ZNF347: variants seen among roughly 807,000 people sequenced by gnomAD.
ZNF347 encodes zinc finger protein 347, also known as CTD-2620I22.7.
A neutral mutation model predicts 12.9 loss-of-function variants in ZNF347; 19 were observed. The observed-to-expected ratio is 1.47, with a 90% CI of 1.03 to 2.16. The LOEUF (loss-of-function observed/expected upper bound fraction) is 2.16, where lower values mean the gene tolerates loss of function less well. Among genes scored for constraint, ZNF347 ranks in the 30% most tolerant of loss-of-function variants. The pLI, the probability that ZNF347 is intolerant of heterozygous loss-of-function variation, is 0.00. For synonymous variants in ZNF347, 328 were observed against 340.6 expected (o/e 0.96, Z 0.41); for missense variants, 1,005 against 990.6 (o/e 1.01, Z -0.19).
At chr19:53,150,613 C>T (rs1027509267) in intron 2 of ZNF347, among the ~76,000 whole-genome samples, 3 of 152,068 alleles carry the variant, frequency 2.0e-5, no homozygotes, top group Non-Finnish European at 2.9e-5. Context: ...TGATGTCTTA[C>T]GAGATGAAAA....
intron 1 of ZNF347, among the ~76,000 whole-genome samples, chr19:53,157,782 G>T (rs904398718): frequency 4.6e-5 from 7 of 152,008 alleles, no homozygotes; most frequent in African/African-American, 1.7e-4. Context: ...GTCTGCCCTG[G>T]CTCCAAATCC....
intron 1 of ZNF347, 50 bp from the exon 2 acceptor site, chr19:53,153,843 T>C (rs919817521): frequency 1.4e-5 from 20 of 1,439,792 alleles, no homozygotes; most frequent in Non-Finnish European, 1.6e-5. Flanking sequence ...ATATCCAAAA[T>C]GTGCTGTTTA....
intron 2 of ZNF347, among the ~76,000 whole-genome samples, chr19:53,152,092 C>CAAAA (rs1186310928): frequency 2.2e-5 from 2 of 89,826 alleles, no homozygotes; most frequent in African/African-American, 9.2e-5. Context: ...GACTCTGTCT[C>CAAAA]AAAAAAAAAA....
In ZNF347 at chr19:53,140,124, T is replaced by G; in HGVS notation, c.*184A>C. ...CATGTTGGTCAGGCTGGTCTTGAACTCCTGACCTCAGGTGATCCACCTGCC... is the reference window on the plus strand; with the variant it reads ...CATGTTGGTCAGGCTGGTCTTGAACGCCTGACCTCAGGTGATCCACCTGCC... On this transcript the variant is annotated 3_prime_UTR_variant, in exon 5 of 5. Coordinates refer to ENST00000334197, the MANE Select transcript of ZNF347 (RefSeq NM_032584.3). The G allele has an allele frequency of 1.7e-6, 1 of 582,428 alleles. No homozygotes were observed. The allele number at this position is 582,428 out of a possible 1,614,324, so 36.1% of individuals were successfully genotyped here.
chr19:53,151,183 T>G (rs1054301203), intron 2 of ZNF347, among the ~76,000 whole-genome samples: 1 of 152,176 alleles, frequency 6.6e-6, no homozygotes, highest in African/African-American at 2.4e-5. Context: ...GACAAAGAGC[T>G]AAAATGTCAG....
At chr19:53,149,212 C>T in intron 3 of ZNF347, 29 bp downstream of exon 3, 15 of 1,609,868 alleles carry the variant, frequency 9.3e-6, no homozygotes, top group Non-Finnish European at 1.2e-5. Flanking sequence ...AGGGGCAGAT[C>T]CTGACTTCTG....
rs534583120 is a variant in ZNF347, at chr19:53,143,910, G to A, written c.272-1354C>T. ...ACCTGTTGTTTCCTGACTTTTTAAT[G>A]ATCGCCATTCTAACTGGTGTGAGAC... On this transcript the variant is annotated intron_variant, in intron 4 of 4. Transcript: ENST00000334197. Among the ~76,000 whole-genome samples, 16 of 152,220 alleles carry A rather than the reference G, an allele frequency of 1.1e-4. No individual in the cohort carries two copies. In the East Asian group the frequency reaches 2.9e-3, roughly 28 times the overall value.
In ZNF347 at chr19:53,141,512, C is replaced by T. The variant is rs910483490; in HGVS notation, c.1316G>A (p.Gly439Asp). ...ATGAATAGCTAGGCTTGAACGAACA[C>T]CAAAGGCTTTGCCGCACTCATTACA... Reference protein sequence around the residue: ...YKCNECGKAFGVRSSLAIHLV... With the variant: ...YKCNECGKAFDVRSSLAIHLV... The change falls in exon 5 of 5, where the codon GGT (glycine) becomes GAT (aspartate). Residue 439 changes from glycine to aspartate, a missense_variant. Physicochemically the swap from Gly to Asp is moderately conservative, Grantham distance 94. Transcript: ENST00000334197. The T allele has an allele frequency of 1.9e-6, 3 of 1,614,044 alleles. No individual in the cohort carries two copies. Among genetic ancestry groups the T allele is most frequent in the Non-Finnish European group, 2.5e-6 (3 of 1,180,004 alleles).
At chr19:53,146,544 G>A (rs1017874625) in intron 4 of ZNF347, among the ~76,000 whole-genome samples, 3 of 152,124 alleles carry the variant, frequency 2.0e-5, no homozygotes, top group African/African-American at 4.8e-5. Flanking sequence ...CCAAGTTCCT[G>A]GGATTACAGG....
chr19:53,144,486 T>TAGCA (rs1397356203), intron 4 of ZNF347, among the ~76,000 whole-genome samples: 1 of 152,034 alleles, frequency 6.6e-6, no homozygotes, highest in African/African-American at 2.4e-5. Flanking sequence ...GAGAGACAGG[T>TAGCA]AGCAATACAA....
In ZNF347 at chr19:53,139,304, A is replaced by G. The variant is rs748862173; in HGVS notation, c.*1004T>C. 5.9e-5 allele frequency: 9 copies of G among 152,152 alleles called. No homozygotes were observed. Among genetic ancestry groups the G allele is most frequent in the Non-Finnish European group, 1.2e-4 (8 of 68,024 alleles). The allele number at this position is 152,152 out of a possible 1,614,324, so 9.4% of individuals were successfully genotyped here. On this transcript the variant is annotated 3_prime_UTR_variant, in exon 5 of 5. Coordinates refer to ENST00000334197, the MANE Select transcript of ZNF347 (RefSeq NM_032584.3). The stretch of plus-strand genomic sequence containing the variant: ...AAAACCATGGTCTCTCAATTGAGAG[A>G]ATATTTAATTTTACAAGGCAGAGTC...
chr19:53,141,234 G>C lies in ZNF347; in HGVS notation c.1594C>G (p.Gln532Glu), dbSNP rs1344073418. 25 of 1,612,940 alleles carry C rather than the reference G, an allele frequency of 1.5e-5. No homozygotes were observed. Among genetic ancestry groups the C allele is most frequent in the Non-Finnish European group, 2.0e-5 (24 of 1,179,734 alleles). Reference sequence around the variant, plus strand: ...GGCTTCACTCCAGTATGAATTCTTTGATGATTTGCAAGGTGTGAATTTTGA... The same window carrying C: ...GGCTTCACTCCAGTATGAATTCTTTCATGATTTGCAAGGTGTGAATTTTGA... ...FTQNSHLANH[Q>E]RIHTGVKPYM... Residue 532 changes from glutamine to glutamate, a missense_variant, in exon 5 of 5, where the codon CAA becomes GAA. Physicochemically the swap from Gln to Glu is conservative, Grantham distance 29. Coordinates refer to ENST00000334197, the MANE Select transcript of ZNF347 (RefSeq NM_032584.3).
chr19:53,145,135 A>T lies in ZNF347; in HGVS notation c.272-2579T>A, dbSNP rs538960381. ...GTGAAACCCTGTTTCTACTAAAAAC[A>T]CAAAAATTAGCCAGGCGTGGTGGCA... On this transcript the variant is annotated intron_variant, in intron 4 of 4. Coordinates refer to ENST00000334197, the MANE Select transcript of ZNF347 (RefSeq NM_032584.3). 1.7e-3 allele frequency among the ~76,000 whole-genome samples: 257 copies of T among 151,952 alleles called. 1 individual carries two copies. Among genetic ancestry groups the T allele is most frequent in the African/African-American group, 5.7e-3 (237 of 41,454 alleles).
In ZNF347 at chr19:53,140,388, C is replaced by T; in HGVS notation, c.2440G>A (p.Gly814Ser). 6.2e-7 allele frequency: 1 copy of T among 1,610,626 alleles called. No homozygotes were observed. The highest frequency in any genetic ancestry group is 8.5e-7 in the Non-Finnish European group (1 of 1,178,568). ...ACGTTACATTTGTAAGGTTTCCCAC[C>T]AGTATGGATTGTCTGATGGGTAGTT... ...SLTTHQTIHT[G>S]GKPYKCNVWK... The change falls in exon 5 of 5, where the codon GGT becomes AGT. Residue 814 changes from glycine (G) to serine (S), a missense_variant. Transcript: ENST00000334197.
rs138149789 is a variant in ZNF347 at position 53,135,858 on chromosome 19, A to C, written c.*4450T>G. Reference sequence around the variant, plus strand: ...AGATAAATCACTTATTAAAGAATATATATCAGTTTTTTAAAATGGAAACAA... The same window carrying C: ...AGATAAATCACTTATTAAAGAATATCTATCAGTTTTTTAAAATGGAAACAA... On this transcript the variant is annotated 3_prime_UTR_variant, in exon 5 of 5. Transcript: ENST00000334197. The C allele has an allele frequency of 5.9e-5, 9 of 152,284 alleles. No homozygotes were observed. Among genetic ancestry groups the C allele is most frequent in the Non-Finnish European group, 1.2e-4 (8 of 68,020 alleles). 9.4% of individuals were successfully genotyped at this position (152,284 alleles called of 1,614,324 possible). A position where few individuals can be genotyped will look rare whatever the true frequency, so the allele number is the denominator to read the frequency against.
rs1348840523 is a variant in ZNF347, at chr19:53,138,833, C to G, written c.*1475G>C. ...TAAGAAAACGTTGAATTTTTTTTAG[C>G]AAAACATTATGTCTGTGACACATTC... is the stretch of plus-strand genomic sequence containing the variant. On this transcript the variant is annotated 3_prime_UTR_variant, in exon 5 of 5. Coordinates refer to ENST00000334197, the MANE Select transcript of ZNF347 (RefSeq NM_032584.3). The G allele has an allele frequency of 6.6e-6, 1 of 151,734 alleles. No individual in the cohort carries two copies. Among genetic ancestry groups the G allele is most frequent in the Non-Finnish European group, 1.5e-5 (1 of 67,924 alleles). 9.4% of individuals were successfully genotyped at this position (151,734 alleles called of 1,614,324 possible). A position where few individuals can be genotyped will look rare whatever the true frequency, so the allele number is the denominator to read the frequency against.
intron 1 of ZNF347, among the ~76,000 whole-genome samples, chr19:53,157,902 T>C (rs1396565116): frequency 1.3e-5 from 2 of 152,202 alleles, no homozygotes; most frequent in South Asian, 2.1e-4. Context: ...ATTTCCCCAG[T>C]TGCTTTTCTC....
chr19:53,141,640 A>T lies in ZNF347; in HGVS notation c.1188T>A (p.Ser396Arg), dbSNP rs1441333539. ...SSLAIHQATH[S>R]GEKPYKCNEC... ...CATTACATTTGTAAGGTTTTTCTCCACTGTGGGTTGCCTGATGGATAGCTA... is the reference window on the plus strand; with the variant it reads ...CATTACATTTGTAAGGTTTTTCTCCTCTGTGGGTTGCCTGATGGATAGCTA... Residue 396 changes from serine (S) to arginine (R), a missense_variant, in exon 5 of 5, where the codon AGT (serine) becomes AGA (arginine). By Grantham distance (110) the Ser-to-Arg change is moderately radical. Coordinates refer to ENST00000334197, the MANE Select transcript of ZNF347 (RefSeq NM_032584.3). 1 of 1,613,826 alleles carries T rather than the reference A, an allele frequency of 6.2e-7. No individual in the cohort carries two copies. The highest frequency in any genetic ancestry group is 1.3e-5 in the African/African-American group (1 of 74,860).
chr19:53,150,719 C>T (rs192072759), intron 2 of ZNF347, among the ~76,000 whole-genome samples: 2 of 152,244 alleles, frequency 1.3e-5, no homozygotes, highest in East Asian at 3.9e-4. Context: ...AAGTGCAAGG[C>T]ATTATTCTAT....
Sources: allele counts gnomAD v4.1 joint callset (sites outside exome capture counted in the v4.1 genomes callset), GRCh38; gene constraint gnomAD v4.1.1; transcripts MANE v1.5; gene names NCBI Gene and HGNC (gene_info 2026-07-23, HGNC 2026-07-21).